Variants in TNFSF8 observed in about 807,000 individuals in gnomAD.
The protein encoded by TNFSF8 is TNF superfamily member 8.
In TNFSF8, 4 loss-of-function variants were observed where a neutral mutation model predicts 22.0. That is an observed-to-expected ratio of 0.18 (90% CI 0.09 to 0.42). The LOEUF (loss-of-function observed/expected upper bound fraction) is 0.42, where lower values mean the gene tolerates loss of function less well. Among genes scored for constraint, TNFSF8 ranks in the 10% least tolerant of loss-of-function variants. TNFSF8 has a pLI of 1.00. For missense variants in TNFSF8, 233 were observed against 281.8 expected, an observed-to-expected ratio of 0.83 and a Z score of 1.24; for synonymous variants, 106 against 112.5, an observed-to-expected ratio of 0.94 and a Z score of 0.37.
In TNFSF8 at chr9:114,930,110, G is replaced by T. The variant is rs767725717; in HGVS notation, c.194C>A (p.Thr65Lys). Residue 65 changes from threonine to lysine, a missense_variant and splice_region_variant, in exon 1 of 4, where the codon ACG (threonine) becomes AAG (lysine). By Grantham distance (78) the Thr-to-Lys change is moderately conservative. Transcript: ENST00000223795. ...AGGGAGGAAGAGGAGTCCACTTACC[G>T]TCCTCTGAACGACCAACACCATAAT... Reference protein sequence around the residue: ...ATIMVLVVQRTDSIPNSPDNV... With the variant: ...ATIMVLVVQRKDSIPNSPDNV... 4 of 1,475,878 alleles carry T rather than the reference G, an allele frequency of 2.7e-6. No individual in the cohort carries two copies. The South Asian group carries it at 5.3e-5, about 20-fold the overall frequency. 91.4% of individuals were successfully genotyped at this position (1,475,878 alleles called of 1,614,324 possible).
chr9:114,916,124 C>T (rs1827915093), intron 2 of TNFSF8, among the ~76,000 whole-genome samples: 1 of 152,088 alleles, frequency 6.6e-6, no homozygotes, highest in East Asian at 1.9e-4. Flanking sequence ...CAAAATAACT[C>T]TGGCAAAAAA....
Position 114,930,259 on chromosome 9 carries a change from A to T in TNFSF8, c.45T>A (p.Pro15=). 6.2e-7 allele frequency: 1 copy of T among 1,603,022 alleles called. No individual in the cohort carries two copies. The highest frequency in any genetic ancestry group is 8.5e-7 in the Non-Finnish European group (1 of 1,174,860). The change falls in exon 1 of 4, where the codon CCT becomes CCA. Residue 15 remains proline, a synonymous_variant. Transcript: ENST00000223795. ...CCGGCACATGCATGGCTGTGTCTCCAGGAGGGGCCATTCCGTTGAGTGCTT... is the reference window on the plus strand; with the variant it reads ...CCGGCACATGCATGGCTGTGTCTCCTGGAGGGGCCATTCCGTTGAGTGCTT... The part of the protein sequence containing the change: ...LQQALNGMAP[P]GDTAMHVPAG...
intron 4 of TNFSF8, among the ~76,000 whole-genome samples, chr9:114,896,091 T>G (rs1365981044): frequency 1.3e-5 from 2 of 152,172 alleles, no homozygotes; most frequent in African/African-American, 4.8e-5. Flanking sequence ...GAAAGTCCAC[T>G]TGGGGGAAAC....
intron 1 of TNFSF8, among the ~76,000 whole-genome samples, chr9:114,927,098 T>C: frequency 6.8e-6 from 1 of 147,284 alleles, no homozygotes; most frequent in Non-Finnish European, 1.5e-5. Flanking sequence ...ATATAAAATG[T>C]TTATTTTATA....
chr9:114,930,578 C>T lies in TNFSF8; in HGVS notation c.-275G>A, dbSNP rs1215981946. 9.6e-6 allele frequency: 3 copies of T among 311,552 alleles called. No individual in the cohort carries two copies. The highest frequency in any genetic ancestry group is 2.2e-5 in the African/African-American group (1 of 45,928). The allele number at this position is 311,552 out of a possible 1,614,324, so 19.3% of individuals were successfully genotyped here. A position where few individuals can be genotyped will look rare whatever the true frequency, so the allele number is the denominator to read the frequency against. On this transcript the variant is annotated 5_prime_UTR_variant, in exon 1 of 4. Coordinates refer to ENST00000223795, the MANE Select transcript of TNFSF8 (RefSeq NM_001244.4). ...AGAAGGTGGCTGATGTCAGAGGGCG[C>T]GTAGGAAAATGACGGTTCCCCGACT... is the stretch of plus-strand genomic sequence containing the variant.
intron 1 of TNFSF8, among the ~76,000 whole-genome samples, chr9:114,929,647 A>G (rs1057497060): frequency 3.3e-5 from 5 of 152,012 alleles, no homozygotes; most frequent in African/African-American, 1.2e-4. Flanking sequence ...TGAAGACATG[A>G]TAACAACTTG....
intron 1 of TNFSF8, among the ~76,000 whole-genome samples, chr9:114,926,674 A>G (rs939245401): frequency 3.9e-5 from 6 of 152,150 alleles, no homozygotes; most frequent in Non-Finnish European, 8.8e-5. Context: ...AAGTGAATAA[A>G]GCAAGATGCA....
chr9:114,904,045 G>A lies in TNFSF8; in HGVS notation c.591C>T (p.Tyr197=). The change falls in exon 4 of 4, where the codon TAC becomes TAT. Residue 197 remains tyrosine, a synonymous_variant. Transcript: ENST00000223795. ...YQNLSQFLLD[Y]LQVNTTISVN... ...CTGATATGGTGGTGTTGACCTGCAG[G>A]TAATCCAGCAAGAATTGAGAGAGAT... 1 of 1,614,114 alleles carries A rather than the reference G, an allele frequency of 6.2e-7. No homozygotes were observed. Among genetic ancestry groups the A allele is most frequent in the Non-Finnish European group, 8.5e-7 (1 of 1,179,976 alleles).
downstream of TNFSF8, among the ~76,000 whole-genome samples, chr9:114,898,253 C>T (rs901830246): frequency 4.1e-4 from 63 of 152,234 alleles, no homozygotes; most frequent in African/African-American, 1.4e-3. Context: ...CCGCCCGCCT[C>T]GACCTCCCAA....
intron 2 of TNFSF8, among the ~76,000 whole-genome samples, chr9:114,916,976 G>A (rs1827927059): frequency 6.6e-6 from 1 of 152,206 alleles, no homozygotes; most frequent in Admixed American, 6.5e-5. Context: ...ATGAGATATT[G>A]TTGACAAGGC....
At chr9:114,920,246 A>T (rs1827971056) in intron 1 of TNFSF8, among the ~76,000 whole-genome samples, 1 of 152,254 alleles carries the variant, frequency 6.6e-6, no homozygotes, top group African/African-American at 2.4e-5. Flanking sequence ...AAATATCTGC[A>T]TTGAAATGTC....
intron 2 of TNFSF8, among the ~76,000 whole-genome samples, chr9:114,909,388 G>C (rs1827824956): frequency 6.6e-6 from 1 of 152,332 alleles, no homozygotes; most frequent in East Asian, 1.9e-4. Flanking sequence ...GAGCATCAGA[G>C]TGGGGGAAGT....
chr9:114,912,945 T>C (rs751643238), intron 2 of TNFSF8, among the ~76,000 whole-genome samples: 8 of 152,212 alleles, frequency 5.3e-5, no homozygotes, highest in Non-Finnish European at 1.2e-4. Flanking sequence ...AATGTTAAAG[T>C]GGTCAAAGAA....
At chr9:114,920,652 G>T (rs1183994737) in intron 1 of TNFSF8, among the ~76,000 whole-genome samples, 2 of 152,026 alleles carry the variant, frequency 1.3e-5, no homozygotes, top group East Asian at 3.9e-4. Context: ...CTGCAGATTT[G>T]GGGGGAGTTT....
At chr9:114,910,280 A>G (rs1179276759) in intron 2 of TNFSF8, among the ~76,000 whole-genome samples, 1 of 152,164 alleles carries the variant, frequency 6.6e-6, no homozygotes, top group Non-Finnish European at 1.5e-5. Context: ...CATATTCTAG[A>G]AGGTCAAGAT....
Position 114,911,857 on chromosome 9 carries a change from C to G in TNFSF8, c.239-5958G>C, listed in dbSNP as rs549890806. On this transcript the variant is annotated intron_variant, in intron 2 of 3. Coordinates refer to ENST00000223795, the MANE Select transcript of TNFSF8 (RefSeq NM_001244.4). ...GGCATTTCCTTGGAATTCATTTATA[C>G]TAAACACAGGTTGAATTGACATTAC... 2.0e-5 allele frequency among the ~76,000 whole-genome samples: 3 copies of G among 151,934 alleles called. No individual in the cohort carries two copies. In the East Asian group the frequency reaches 5.8e-4, roughly 30 times the overall value.
At chr9:114,897,263 T>C (rs1210154560), downstream of TNFSF8, among the ~76,000 whole-genome samples, 2 of 96,530 alleles carry the variant, frequency 2.1e-5, no homozygotes, top group Non-Finnish European at 1.9e-5. Flanking sequence ...TGAAAAGAAC[T>C]GTTTTTTTTT....
At chr9:114,904,849 C>T (rs1026416766) in intron 3 of TNFSF8, among the ~76,000 whole-genome samples, 2 of 152,162 alleles carry the variant, frequency 1.3e-5, no homozygotes, top group Non-Finnish European at 2.9e-5. Flanking sequence ...TTGAAGATGT[C>T]CAGGAGAATC....
chr9:114,902,786 C>T lies in TNFSF8; in HGVS notation c.*1145G>A. Reference sequence around the variant, plus strand: ...GGAAGAGGTTTTGAAGCAATTCAAACCCAGTCCTTTCATTTTCTAGACTTG... The same window carrying T: ...GGAAGAGGTTTTGAAGCAATTCAAATCCAGTCCTTTCATTTTCTAGACTTG... On this transcript the variant is annotated 3_prime_UTR_variant, in exon 4 of 4. Transcript: ENST00000223795. The T allele has an allele frequency of 1.0e-6, 1 of 979,408 alleles. No homozygotes were observed. The highest frequency in any genetic ancestry group is 1.2e-6 in the Non-Finnish European group (1 of 824,526). 60.7% of individuals were successfully genotyped at this position (979,408 alleles called of 1,614,324 possible).
Sources: allele counts gnomAD v4.1 joint callset (sites outside exome capture counted in the v4.1 genomes callset), GRCh38; gene constraint gnomAD v4.1.1; transcripts MANE v1.5; gene names NCBI Gene and HGNC (gene_info 2026-07-23, HGNC 2026-07-21).